Variants in STX18 observed in about 807,000 individuals in gnomAD.
The protein encoded by STX18 is syntaxin-18.
Under a neutral mutation model 50.1 loss-of-function variants are expected in STX18, and 40 were observed. That is an observed-to-expected ratio of 0.80 (90% CI 0.62 to 1.04). The LOEUF is 1.04. Ranked by LOEUF, STX18 falls within the 50% of genes least tolerant of loss-of-function variation. The pLI is 0.00. For missense variants in STX18, 410 were observed against 415.8 expected, an observed-to-expected ratio of 0.99 and a Z score of 0.12; for synonymous variants, 158 against 151.8, an observed-to-expected ratio of 1.04 and a Z score of -0.30.
intron 1 of STX18, among the ~76,000 whole-genome samples, chr4:4,477,267 A>C (rs981877213): frequency 8.5e-5 from 13 of 152,106 alleles, no homozygotes; most frequent in African/African-American, 2.9e-4. Flanking sequence ...GAAACAAAAC[A>C]AACTCATGTA....
intron 1 of STX18, among the ~76,000 whole-genome samples, chr4:4,525,714 AAAC>A (rs1275782891): frequency 1.3e-5 from 2 of 152,180 alleles, no homozygotes; most frequent in Non-Finnish European, 2.9e-5. Context: ...GCCCACAAAT[AAAC>A]AATATCATTT....
chr4:4,461,847 G>C (rs1485506614), intron 2 of STX18: 1 of 455,948 alleles, frequency 2.2e-6, no homozygotes, highest in Non-Finnish European at 4.4e-6. Flanking sequence ...TGGCCCCCTC[G>C]CAGAAAGCAT....
intron 1 of STX18, 96 bp downstream of exon 1, chr4:4,541,701 A>C: frequency 7.0e-7 from 1 of 1,424,466 alleles, no homozygotes; most frequent in South Asian, 1.4e-5. Flanking sequence ...CCCCCTTCAC[A>C]CAATGCTTAC....
chr4:4,508,359 A>G (rs957366007), intron 1 of STX18, among the ~76,000 whole-genome samples: 7 of 151,968 alleles, frequency 4.6e-5, no homozygotes, highest in African/African-American at 1.7e-4. Context: ...CATATATCCT[A>G]TATTTCACTT....
At chr4:4,421,916 T>A in intron 9 of STX18, among the ~76,000 whole-genome samples, 1 of 152,290 alleles carries the variant, frequency 6.6e-6, no homozygotes, top group East Asian at 1.9e-4. Flanking sequence ...AGGGGGCGTC[T>A]GGCCCCACAG....
chr4:4,432,085 A>C (rs184478548), intron 7 of STX18, among the ~76,000 whole-genome samples: 1 of 152,330 alleles, frequency 6.6e-6, no homozygotes, highest in East Asian at 1.9e-4. Flanking sequence ...TCATTTTCTT[A>C]GTTCAGAATT....
chr4:4,500,457 A>C, intron 1 of STX18, among the ~76,000 whole-genome samples: 1 of 152,198 alleles, frequency 6.6e-6, no homozygotes, highest in Middle Eastern at 3.2e-3. Context: ...TGGGTTTTAT[A>C]AGTAATCCAG....
intron 1 of STX18, among the ~76,000 whole-genome samples, chr4:4,527,943 A>G (rs1730876020): frequency 6.6e-6 from 1 of 151,774 alleles, no homozygotes; most frequent in Admixed American, 6.6e-5. Context: ...CATGGGGAAG[A>G]CATCCCTTAG....
At chr4:4,440,981 G>A (rs1347770722) in intron 5 of STX18, among the ~76,000 whole-genome samples, 1 of 152,184 alleles carries the variant, frequency 6.6e-6, no homozygotes, top group Non-Finnish European at 1.5e-5. Context: ...GCTGACCAGG[G>A]CTGGAGGGTT....
At chr4:4,423,713 G>T in intron 8 of STX18, 126 bp from the exon 9 acceptor site, 1 of 927,848 alleles carries the variant, frequency 1.1e-6, no homozygotes. Context: ...ACACTGTGTC[G>T]GCTGGGGGAA....
chr4:4,446,067 T>C (rs1431770902), intron 5 of STX18, among the ~76,000 whole-genome samples: 1 of 152,092 alleles, frequency 6.6e-6, no homozygotes, highest in Non-Finnish European at 1.5e-5. Flanking sequence ...CCAGGTCAAT[T>C]CAATGAGAAA....
chr4:4,478,130 T>C (rs966247290), intron 1 of STX18: 4 of 151,212 alleles, frequency 2.6e-5, no homozygotes, highest in African/African-American at 9.8e-5. Flanking sequence ...TTTTTCTTCA[T>C]AGAAAGAAAC....
intron 5 of STX18, among the ~76,000 whole-genome samples, chr4:4,450,715 A>T (rs1167398272): frequency 6.6e-6 from 1 of 152,068 alleles, no homozygotes; most frequent in Non-Finnish European, 1.5e-5. Context: ...TTAGGCTATG[A>T]CTGCCCATGC....
chr4:4,450,294 C>T (rs1472278931), intron 5 of STX18, among the ~76,000 whole-genome samples: 5 of 152,162 alleles, frequency 3.3e-5, no homozygotes, highest in South Asian at 4.2e-4. Context: ...TTTCACTTCT[C>T]CTATAGTGAG....
intron 8 of STX18, 132 bp from the exon 9 acceptor site, chr4:4,423,719 G>T: frequency 1.1e-6 from 1 of 878,134 alleles, no homozygotes; most frequent in Non-Finnish European, 1.8e-6. Context: ...TGTCGGCTGG[G>T]GGAAGAGGAG....
At chr4:4,469,271 G>A (rs1344927572) in intron 2 of STX18, among the ~76,000 whole-genome samples, 3 of 152,106 alleles carry the variant, frequency 2.0e-5, no homozygotes, top group Non-Finnish European at 2.9e-5. Context: ...ATGGTTAAAG[G>A]TTTTTAAAGG....
At chr4:4,454,365 A>T (rs967336436) in intron 5 of STX18, among the ~76,000 whole-genome samples, 1 of 152,206 alleles carries the variant, frequency 6.6e-6, no homozygotes, top group South Asian at 2.1e-4. Context: ...CATCTGACTG[A>T]TATTAATTTG....
At chr4:4,466,439 G>A (rs1727624746) in intron 2 of STX18, among the ~76,000 whole-genome samples, 1 of 152,206 alleles carries the variant, frequency 6.6e-6, no homozygotes, top group African/African-American at 2.4e-5. Flanking sequence ...GCCACATCCT[G>A]CAGGCAGAGA....
chr4:4,499,862 A>C (rs1729353744), intron 1 of STX18, among the ~76,000 whole-genome samples: 1 of 140,348 alleles, frequency 7.1e-6, no homozygotes, highest in Non-Finnish European at 1.6e-5. Flanking sequence ...TTTCAAATCG[A>C]CTTTTTTTTT....
Sources: allele counts gnomAD v4.1 joint callset (sites outside exome capture counted in the v4.1 genomes callset), GRCh38; gene constraint gnomAD v4.1.1; transcripts MANE v1.5; gene names NCBI Gene and HGNC (gene_info 2026-07-23, HGNC 2026-07-21).